The following ITGAV variants were observed in gnomAD, a reference collection of about 807,000 sequenced individuals.
ITGAV encodes integrin alpha-V.
In ITGAV, 76 loss-of-function variants were observed where a neutral mutation model predicts 143.8. That is an observed-to-expected ratio of 0.53 (90% CI 0.44 to 0.64). ITGAV has a LOEUF of 0.64. ITGAV is among the 30% of genes least tolerant of loss of function. The pLI, the probability that ITGAV is intolerant of heterozygous loss-of-function variation, is 0.00. For missense variants in ITGAV, 1,193 were observed against 1,274.7 expected, an observed-to-expected ratio of 0.94 and a Z score of 0.98; for synonymous variants, 453 against 446.7, an observed-to-expected ratio of 1.01 and a Z score of -0.18.
chr2:186,620,590 C>T (rs1418053210), intron 2 of ITGAV, among the ~76,000 whole-genome samples: 1 of 152,150 alleles, frequency 6.6e-6, no homozygotes, highest in African/African-American at 2.4e-5. Context: ...TGATGAAACC[C>T]TGTTTCTACA....
chr2:186,651,595 C>T (rs1688432647), intron 14 of ITGAV, among the ~76,000 whole-genome samples: 1 of 151,894 alleles, frequency 6.6e-6, no homozygotes, highest in South Asian at 2.1e-4. Context: ...TTTTCTCTCC[C>T]ACTAAAACTA....
intron 24 of ITGAV, among the ~76,000 whole-genome samples, chr2:186,668,204 ATATATATATATATTTTTTTTTTTTTTTTT>A (rs1688960197): frequency 7.9e-5 from 1 of 12,620 alleles, no homozygotes; most frequent in South Asian, 2.2e-3. Context: ...ATATATATAT[ATATATATATATATTTTTTTTTTTTTTTTT>A]TTTTTTTTTT....
chr2:186,641,203 A>G (rs1312218156), intron 11 of ITGAV, 183 bp from the exon 12 acceptor site: 8 of 619,660 alleles, frequency 1.3e-5, no homozygotes, highest in Non-Finnish European at 2.0e-5. Context: ...TGAATTATTC[A>G]TAGTTTCTTA....
chr2:186,651,028 AG>A (rs1688413566), intron 14 of ITGAV, among the ~76,000 whole-genome samples: 1 of 152,210 alleles, frequency 6.6e-6, no homozygotes, highest in African/African-American at 2.4e-5. Flanking sequence ...TTTTTATTAG[AG>A]CAATATGTAT....
chr2:186,603,586 G>A (rs1313352379), intron 2 of ITGAV, among the ~76,000 whole-genome samples: 1 of 152,118 alleles, frequency 6.6e-6, no homozygotes, highest in Non-Finnish European at 1.5e-5. Context: ...AGAAATACCT[G>A]TGACTCAGAA....
Position 186,651,976 on chromosome 2 carries a change from C to G in ITGAV, c.1398-6C>G, listed in dbSNP as rs202212473. 2.6e-6 allele frequency: 4 copies of G among 1,555,700 alleles called. No homozygotes were observed. Among genetic ancestry groups the G allele is most frequent in the Non-Finnish European group, 1.8e-6 (2 of 1,142,098 alleles). On this transcript the variant is annotated splice_region_variant and splice_polypyrimidine_tract_variant and intron_variant, in intron 14 of 29. Transcript: ENST00000261023. ...TTACTTCATCTTCTTTTCCCTCCCC[C>G]GCTAGGGCCAGACCAGTTATCACTG...
At chr2:186,603,722 C>T (rs369769060) in intron 2 of ITGAV, among the ~76,000 whole-genome samples, 3 of 152,202 alleles carry the variant, frequency 2.0e-5, no homozygotes, top group African/African-American at 7.2e-5. Flanking sequence ...GGTTTTTGTG[C>T]ATTGCAAGAT....
At chr2:186,672,535 C>G (rs894333284) in intron 26 of ITGAV, among the ~76,000 whole-genome samples, 6 of 152,196 alleles carry the variant, frequency 3.9e-5, no homozygotes, top group African/African-American at 1.4e-4. Context: ...GCAATCCCAA[C>G]CAGCAATATA....
intron 2 of ITGAV, among the ~76,000 whole-genome samples, chr2:186,607,433 G>A (rs974827203): frequency 6.6e-6 from 1 of 152,030 alleles, no homozygotes; most frequent in African/African-American, 2.4e-5. Flanking sequence ...TGTCATTTCT[G>A]GGTGGCAGGG....
intron 1 of ITGAV, among the ~76,000 whole-genome samples, chr2:186,599,860 C>G (rs892882869): frequency 2.0e-5 from 3 of 152,196 alleles, no homozygotes; most frequent in Admixed American, 6.5e-5. Context: ...CCAGCGATTG[C>G]TGTTGTACTC....
At chr2:186,600,174 C>T (rs371845594) in intron 1 of ITGAV, 2 of 618,718 alleles carry the variant, frequency 3.2e-6, no homozygotes, top group Non-Finnish European at 5.6e-6. Context: ...TGTGCCACTC[C>T]CGGCTTGTCC....
intron 12 of ITGAV, among the ~76,000 whole-genome samples, chr2:186,642,460 G>A (rs1184688136): frequency 2.0e-5 from 3 of 151,768 alleles, no homozygotes; most frequent in Admixed American, 6.6e-5. Flanking sequence ...GTGGGTAGGT[G>A]CTGTCATTTA....
At chr2:186,637,185 T>G in intron 8 of ITGAV, 76 bp downstream of exon 8, 1 of 1,326,642 alleles carries the variant, frequency 7.5e-7, no homozygotes, top group Non-Finnish European at 1.1e-6. Flanking sequence ...ATTGAAAATT[T>G]TAAGCAGTTT....
chr2:186,621,237 A>C (rs1445681477), intron 2 of ITGAV, among the ~76,000 whole-genome samples: 1 of 152,206 alleles, frequency 6.6e-6, no homozygotes, highest in Non-Finnish European at 1.5e-5. Flanking sequence ...AGAAAATTTC[A>C]ATTTCAGTAA....
intron 20 of ITGAV, among the ~76,000 whole-genome samples, 186 bp from the exon 21 acceptor site, chr2:186,664,940 C>A (rs182857466): frequency 6.6e-6 from 1 of 152,272 alleles, no homozygotes; most frequent in Admixed American, 6.5e-5. Flanking sequence ...TGGTAGTCCT[C>A]TAGGGATCTT....
chr2:186,665,387 T>C (rs1321597465), intron 21 of ITGAV, among the ~76,000 whole-genome samples, 169 bp downstream of exon 21: 14 of 152,238 alleles, frequency 9.2e-5, no homozygotes, highest in Non-Finnish European at 1.5e-5. Flanking sequence ...TTAACTAAGA[T>C]ACGAAAACAA....
intron 16 of ITGAV, among the ~76,000 whole-genome samples, chr2:186,654,977 G>A (rs1226847658): frequency 1.3e-5 from 2 of 152,114 alleles, no homozygotes; most frequent in Non-Finnish European, 2.9e-5. Flanking sequence ...AAGCAGTTAC[G>A]AATGTGACAT....
At chr2:186,640,624 G>T (rs887350829) in intron 10 of ITGAV, among the ~76,000 whole-genome samples, 1 of 152,126 alleles carries the variant, frequency 6.6e-6, no homozygotes, top group Non-Finnish European at 1.5e-5. Context: ...CTGAGAAGGA[G>T]AATTGATAGT....
chr2:186,607,030 G>A (rs1420953270), intron 2 of ITGAV, among the ~76,000 whole-genome samples: 1 of 152,054 alleles, frequency 6.6e-6, no homozygotes, highest in Admixed American at 6.6e-5. Context: ...ATGGTGTCAT[G>A]AAAAGGAATA....
Sources: gnomAD v4.1 joint callset for allele counts (sites outside exome capture counted in the v4.1 genomes callset) on GRCh38, gnomAD v4.1.1 for gene constraint, MANE v1.5 for transcripts, NCBI Gene and HGNC (gene_info 2026-07-23, HGNC 2026-07-21) for gene names.